EML1: variants seen among roughly 807,000 people sequenced by gnomAD.
EML1 encodes echinoderm microtubule-associated protein-like 1.
A neutral mutation model predicts 110.4 loss-of-function variants in EML1; 27 were observed. That is an observed-to-expected ratio of 0.24 (90% confidence interval 0.18 to 0.34). The LOEUF (loss-of-function observed/expected upper bound fraction) is 0.34, where lower values mean the gene tolerates loss of function less well. Ranked by LOEUF, EML1 falls within the 10% of genes least tolerant of loss-of-function variation. EML1 has a pLI of 1.00. For synonymous variants in EML1, 344 were observed against 385.8 expected (o/e 0.89, Z 1.27); for missense variants, 741 against 1,030.9 (o/e 0.72, Z 3.85).
chr14:99,886,048 T>G, intron 4 of EML1: 1 of 319,490 alleles, frequency 3.1e-6, no homozygotes, highest in South Asian at 2.7e-5. Context: ...CTTCTAAACA[T>G]TTTGAATAGA....
chr14:99,802,048 G>A lies in EML1; in HGVS notation c.67+8505G>A, dbSNP rs554087014. ...AACAATGGTAGGGTATTGCAGCACT[G>A]GGGGGCATGTATCAGGGCGGGCTTC... On this transcript the variant is annotated intron_variant, in intron 1 of 21. Coordinates refer to ENST00000262233, the MANE Select transcript of EML1 (RefSeq NM_004434.3). 3.9e-5 allele frequency among the ~76,000 whole-genome samples: 6 copies of A among 152,260 alleles called. No homozygotes were observed. The South Asian group carries it at 1.0e-3, about 26-fold the overall frequency.
At chr14:99,881,011 T>A (rs553963421) in intron 4 of EML1, among the ~76,000 whole-genome samples, 1 of 152,354 alleles carries the variant, frequency 6.6e-6, no homozygotes, top group South Asian at 2.1e-4. Context: ...TTTGTCACAA[T>A]CCGCGTTGCA....
At chr14:99,769,833 C>T (rs541753590), upstream of EML1, among the ~76,000 whole-genome samples, 3 of 152,306 alleles carry the variant, frequency 2.0e-5, no homozygotes, top group African/African-American at 7.2e-5. Context: ...GCAGATCCTC[C>T]TTATCTTGTT....
At chr14:99,769,326 G>A (rs1264255035), upstream of EML1, among the ~76,000 whole-genome samples, 1 of 152,136 alleles carries the variant, frequency 6.6e-6, no homozygotes, top group Non-Finnish European at 1.5e-5. Flanking sequence ...CTGTTCCAAG[G>A]ATCATTTTCT....
intron 17 of EML1, among the ~76,000 whole-genome samples, chr14:99,935,707 C>T (rs780672859): frequency 3.5e-4 from 49 of 139,810 alleles, no homozygotes; most frequent in Non-Finnish European, 6.4e-4. Context: ...GGCGTGAACC[C>T]GGGAGGCAGA....
intron 2 of EML1, among the ~76,000 whole-genome samples, chr14:99,851,508 C>T (rs1015825719): frequency 6.6e-6 from 1 of 151,994 alleles, no homozygotes. Context: ...AGAGTTTCAC[C>T]GTGTTAGCCA....
intron 1 of EML1, among the ~76,000 whole-genome samples, chr14:99,750,351 A>T (rs1478857735): frequency 6.6e-6 from 1 of 152,202 alleles, no homozygotes; most frequent in Non-Finnish European, 1.5e-5. Flanking sequence ...CTGGCAGCAC[A>T]TGGGGGCAGG....
intron 6 of EML1, among the ~76,000 whole-genome samples, chr14:99,896,461 C>T (rs1323609346): frequency 6.6e-6 from 1 of 152,058 alleles, no homozygotes; most frequent in Non-Finnish European, 1.5e-5. Context: ...GTCTTTAAGT[C>T]AGTAGTGGTT....
chr14:99,750,396 A>G (rs923518824), intron 1 of EML1, among the ~76,000 whole-genome samples: 1 of 152,108 alleles, frequency 6.6e-6, no homozygotes, highest in African/African-American at 2.4e-5. Context: ...CCCTGCTGCT[A>G]TGTCCTCACC....
At chr14:99,900,112 A>G (rs183340083) in intron 8 of EML1, among the ~76,000 whole-genome samples, 1 of 152,136 alleles carries the variant, frequency 6.6e-6, no homozygotes, top group African/African-American at 2.4e-5. Flanking sequence ...AGGATTTTAA[A>G]CCAATTATAA....
chr14:99,929,523 G>A (rs945830227), intron 17 of EML1, among the ~76,000 whole-genome samples: 4 of 152,124 alleles, frequency 2.6e-5, no homozygotes, highest in Non-Finnish European at 5.9e-5. Context: ...CTAGCATAGG[G>A]TTTATGACGG....
chr14:99,797,303 T>C (rs192151462), intron 1 of EML1, among the ~76,000 whole-genome samples: 128 of 152,388 alleles, frequency 8.4e-4, no homozygotes, highest in African/African-American at 2.9e-3. Flanking sequence ...GGCCAAATTA[T>C]ATTCCCTTGT....
chr14:99,904,951 T>C (rs1387142603), intron 9 of EML1, among the ~76,000 whole-genome samples: 1 of 152,182 alleles, frequency 6.6e-6, no homozygotes, highest in East Asian at 1.9e-4. Context: ...TTCTACAGCT[T>C]AAGATTACCC....
chr14:99,920,369 T>C (rs72710061), intron 16 of EML1, among the ~76,000 whole-genome samples: 15,555 of 152,102 alleles, frequency 0.1, 845 homozygotes, highest in Middle Eastern at 0.13. Flanking sequence ...CACCCCGGAG[T>C]TGTCCCAGCC....
rs2057706054 is a variant in EML1 at position 99,793,420 on chromosome 14, G to T, written c.-57G>T. On this transcript the variant is annotated 5_prime_UTR_variant, in exon 1 of 22. Transcript: ENST00000262233. ...CGCGGTCGGGCTCAGCTCAGTGTGT[G>T]GTGAGCGGCGGCGGCGCGGCCGGGC... 7 of 1,023,326 alleles carry T rather than the reference G, an allele frequency of 6.8e-6. No individual in the cohort carries two copies. The highest frequency in any genetic ancestry group is 4.4e-5 in the South Asian group (1 of 22,708). 63.4% of individuals were successfully genotyped at this position (1,023,326 alleles called of 1,614,324 possible). A position where few individuals can be genotyped will look rare whatever the true frequency, so the allele number is the denominator to read the frequency against.
chr14:99,885,866 T>C (rs933508511), intron 4 of EML1: 1 of 455,750 alleles, frequency 2.2e-6, no homozygotes, highest in Admixed American at 2.4e-5. Context: ...TGTATTCCCA[T>C]TTTTAGATTA....
intron 1 of EML1, among the ~76,000 whole-genome samples, chr14:99,775,894 A>G (rs1474418358): frequency 6.6e-6 from 1 of 152,234 alleles, no homozygotes; most frequent in African/African-American, 2.4e-5. Context: ...TCCAGGACCC[A>G]TTATAAGAAC....
intron 1 of EML1, among the ~76,000 whole-genome samples, chr14:99,817,860 T>C (rs750328533): frequency 1.3e-5 from 2 of 152,132 alleles, no homozygotes; most frequent in African/African-American, 2.4e-5. Flanking sequence ...GCAGAAGGGA[T>C]GCTCTGCTAG....
chr14:99,871,844 G>A (rs765711762), intron 3 of EML1, among the ~76,000 whole-genome samples: 11 of 152,138 alleles, frequency 7.2e-5, no homozygotes, highest in Non-Finnish European at 5.9e-5. Context: ...GACAATAAAG[G>A]GTTTAGAGTA....
Sources: allele counts gnomAD v4.1 joint callset (sites outside exome capture counted in the v4.1 genomes callset), GRCh38; gene constraint gnomAD v4.1.1; transcripts MANE v1.5; gene names NCBI Gene and HGNC (gene_info 2026-07-23, HGNC 2026-07-21).